The following PDE7B variants were observed in gnomAD, a reference collection of about 807,000 sequenced individuals.
The protein encoded by PDE7B is phosphodiesterase 7B.
In PDE7B, 29 loss-of-function variants were observed where a neutral mutation model predicts 56.2. The observed-to-expected ratio is 0.52, with a 90% CI of 0.38 to 0.70. The LOEUF is 0.70. PDE7B is among the 30% of genes least tolerant of loss of function. The probability of loss-of-function intolerance (pLI) is 0.00; values close to 1 mark genes in which losing one functional copy is unlikely to be tolerated. For missense variants in PDE7B, 490 were observed against 565.0 expected, an observed-to-expected ratio of 0.87 and a Z score of 1.35; for synonymous variants, 197 against 196.9, an observed-to-expected ratio of 1.00 and a Z score of 0.00.
chr6:135,901,067 T>C (rs1430086670), intron 1 of PDE7B, among the ~76,000 whole-genome samples: 1 of 152,168 alleles, frequency 6.6e-6, no homozygotes, highest in Admixed American at 6.5e-5. Context: ...ATCACAGACG[T>C]TTAACGAAGA....
intron 1 of PDE7B, among the ~76,000 whole-genome samples, chr6:135,896,774 A>G (rs1257153034): frequency 2.0e-5 from 3 of 152,172 alleles, no homozygotes; most frequent in Non-Finnish European, 4.4e-5. Flanking sequence ...ACTACCCAAC[A>G]GATCTTCAGT....
intron 2 of PDE7B, among the ~76,000 whole-genome samples, chr6:136,086,399 CAAGA>C (rs1777292778): frequency 6.6e-6 from 1 of 151,688 alleles, no homozygotes; most frequent in Non-Finnish European, 1.5e-5. Context: ...GGAAAATAGG[CAAGA>C]AAGAAGGAAG....
rs60347338 is a variant in PDE7B at position 135,851,858 on chromosome 6, CTTTTTTT to C, written c.-134_-128del. 5.9e-6 allele frequency: 3 copies of C among 508,990 alleles called. No homozygotes were observed. The highest frequency in any genetic ancestry group is 1.1e-5 in the Non-Finnish European group (3 of 282,820). 31.5% of individuals were successfully genotyped at this position (508,990 alleles called of 1,614,324 possible). ...TTCTTTATTTCTTTTCCTTTTTTTTCTTTTTTTTTTTTTGTTACTTAATTATATTCCT... is the reference window on the plus strand; with the variant it reads ...TTCTTTATTTCTTTTCCTTTTTTTTCTTTTTTGTTACTTAATTATATTCCT... On this transcript the variant is annotated 5_prime_UTR_variant, in exon 1 of 13. Coordinates refer to ENST00000308191, the MANE Select transcript of PDE7B (RefSeq NM_018945.4).
chr6:136,111,585 C>A (rs941528897), intron 3 of PDE7B, among the ~76,000 whole-genome samples: 2 of 152,184 alleles, frequency 1.3e-5, no homozygotes, highest in Non-Finnish European at 2.9e-5. Context: ...GTGTTATGCA[C>A]AGTCACATAA....
intron 2 of PDE7B, among the ~76,000 whole-genome samples, chr6:135,966,231 C>A (rs954887695): frequency 3.3e-5 from 5 of 152,222 alleles, no homozygotes; most frequent in Admixed American, 2.6e-4. Context: ...GGAATTCTTG[C>A]CGTACTTGAT....
In PDE7B at chr6:135,874,018, A is replaced by G. The variant is rs146967111; in HGVS notation, c.21+21999A>G. Reference sequence around the variant, plus strand: ...AAGATGGTGGTTGCTGATGATTGCTATAGAAAAAAGAAGAGCAGAGAAAAT... The same window carrying G: ...AAGATGGTGGTTGCTGATGATTGCTGTAGAAAAAAGAAGAGCAGAGAAAAT... On this transcript the variant is annotated intron_variant, in intron 1 of 12. Coordinates refer to ENST00000308191, the MANE Select transcript of PDE7B (RefSeq NM_018945.4). Among the ~76,000 whole-genome samples the G allele has an allele frequency of 5.9e-5, 9 of 152,320 alleles. No individual in the cohort carries two copies. In the East Asian group the frequency reaches 1.3e-3, roughly 23 times the overall value.
chr6:136,175,893 G>C (rs1778969023), intron 9 of PDE7B, among the ~76,000 whole-genome samples: 1 of 152,008 alleles, frequency 6.6e-6, no homozygotes, highest in African/African-American at 2.4e-5. Flanking sequence ...CCAACTGATG[G>C]ATTGTAAGAA....
Position 136,153,224 on chromosome 6 carries a change from C to T in PDE7B, c.479-851C>T, listed in dbSNP as rs182741196. 3.3e-5 allele frequency among the ~76,000 whole-genome samples: 5 copies of T among 152,294 alleles called. No homozygotes were observed. In the East Asian group the frequency reaches 9.6e-4, roughly 29 times the overall value. On this transcript the variant is annotated intron_variant, in intron 6 of 12. Coordinates refer to ENST00000308191, the MANE Select transcript of PDE7B (RefSeq NM_018945.4). ...ATATAGATACTTTGGACACGTGTATCTACCCAGAAAATATATAAAGAATAC... is the reference window on the plus strand; with the variant it reads ...ATATAGATACTTTGGACACGTGTATTTACCCAGAAAATATATAAAGAATAC...
intron 8 of PDE7B, among the ~76,000 whole-genome samples, chr6:136,173,205 A>C (rs1375222085): frequency 6.6e-6 from 1 of 152,206 alleles, no homozygotes; most frequent in African/African-American, 2.4e-5. Context: ...GTCAATCCTA[A>C]GCCAAAAGAA....
intron 2 of PDE7B, among the ~76,000 whole-genome samples, chr6:136,073,239 C>T (rs981800320): frequency 5.4e-4 from 82 of 152,198 alleles, no homozygotes; most frequent in African/African-American, 1.8e-3. Flanking sequence ...AGAGTGCCTC[C>T]GTACGCCATG....
intron 2 of PDE7B, among the ~76,000 whole-genome samples, chr6:135,968,408 C>T (rs374339580): frequency 1.3e-5 from 2 of 152,066 alleles, no homozygotes; most frequent in South Asian, 4.1e-4. Flanking sequence ...ATCTATCCAT[C>T]TGACAATTCT....
chr6:136,037,739 G>T (rs1776348017), intron 2 of PDE7B: 2 of 985,472 alleles, frequency 2.0e-6, no homozygotes, highest in Non-Finnish European at 2.4e-6. Flanking sequence ...TTAGCAAAGG[G>T]GAAGCCCCGC....
Position 135,965,566 on chromosome 6 carries a change from A to G in PDE7B, c.82+18042A>G, listed in dbSNP as rs182556859. ...GGCCTCACAATCATGGCAGAAGGCAAAAGGCACATCTTACATGGTAGCAGG... is the reference window on the plus strand; with the variant it reads ...GGCCTCACAATCATGGCAGAAGGCAGAAGGCACATCTTACATGGTAGCAGG... On this transcript the variant is annotated intron_variant, in intron 2 of 12. Coordinates refer to ENST00000308191, the MANE Select transcript of PDE7B (RefSeq NM_018945.4). 6.0e-4 allele frequency among the ~76,000 whole-genome samples: 92 copies of G among 152,316 alleles called. 2 individuals carry two copies. The highest frequency in any genetic ancestry group is 5.6e-4 in the Non-Finnish European group (38 of 68,012).
chr6:136,047,348 A>G (rs938069603), intron 2 of PDE7B: 4 of 152,224 alleles, frequency 2.6e-5, no homozygotes, highest in East Asian at 1.9e-4. Context: ...GAGCTTTTGT[A>G]TCTGCCACTA....
intron 2 of PDE7B, among the ~76,000 whole-genome samples, chr6:136,058,459 T>G (rs995611411): frequency 2.1e-4 from 32 of 152,162 alleles, no homozygotes; most frequent in Non-Finnish European, 3.5e-4. Context: ...GTCTATTTCC[T>G]GGGAATTCAG....
chr6:136,180,617 G>A (rs1339447459), intron 10 of PDE7B, among the ~76,000 whole-genome samples: 2 of 152,160 alleles, frequency 1.3e-5, no homozygotes, highest in African/African-American at 2.4e-5. Flanking sequence ...TGCTTCTCTG[G>A]GAATTCAAGG....
At chr6:135,892,348 G>C (rs1324393547) in intron 1 of PDE7B, among the ~76,000 whole-genome samples, 1 of 152,102 alleles carries the variant, frequency 6.6e-6, no homozygotes, top group African/African-American at 2.4e-5. Flanking sequence ...GTGACTTCAA[G>C]TACCTTCCCA....
At chr6:135,994,880 T>C (rs962060770) in intron 2 of PDE7B, among the ~76,000 whole-genome samples, 6 of 152,144 alleles carry the variant, frequency 3.9e-5, no homozygotes, top group African/African-American at 1.4e-4. Flanking sequence ...AAACAGTGAG[T>C]GCTATCAGCA....
Position 136,069,712 on chromosome 6 carries a change from A to C in PDE7B, c.83-39019A>C, listed in dbSNP as rs1214186275. Among the ~76,000 whole-genome samples, 3 of 152,198 alleles carry C rather than the reference A, an allele frequency of 2.0e-5. No homozygotes were observed. In the East Asian group the frequency reaches 5.8e-4, roughly 29 times the overall value. ...TTATAAAGTGTGAAAAATTATCTTC[A>C]ATTTTTGTTTGTTTTAAATTACTGT... On this transcript the variant is annotated intron_variant, in intron 2 of 12. Coordinates refer to ENST00000308191, the MANE Select transcript of PDE7B (RefSeq NM_018945.4).
Sources: gnomAD v4.1 joint callset for allele counts (sites outside exome capture counted in the v4.1 genomes callset) on GRCh38, gnomAD v4.1.1 for gene constraint, MANE v1.5 for transcripts, NCBI Gene and HGNC (gene_info 2026-07-23, HGNC 2026-07-21) for gene names.